Variants in CTNND2 observed in about 807,000 individuals in gnomAD.
CTNND2 encodes catenin delta 2.
A neutral mutation model predicts 144.4 loss-of-function variants in CTNND2; 22 were observed. The observed-to-expected ratio is 0.15, with a 90% CI of 0.11 to 0.22. The LOEUF (loss-of-function observed/expected upper bound fraction) is 0.22. Among genes scored for constraint, CTNND2 ranks in the 10% least tolerant of loss-of-function variants. The pLI is 1.00. For missense variants in CTNND2, 1,353 were observed against 1,618.8 expected (o/e 0.84, Z 2.82); for synonymous variants, 751 against 695.6 (o/e 1.08, Z -1.25).
At chr5:11,706,399 G>A (rs934438334) in intron 2 of CTNND2, among the ~76,000 whole-genome samples, 3 of 152,182 alleles carry the variant, frequency 2.0e-5, no homozygotes, top group Non-Finnish European at 4.4e-5. Flanking sequence ...CTCAACACCA[G>A]TGCTTTCCAA....
intron 14 of CTNND2, among the ~76,000 whole-genome samples, chr5:11,104,889 G>T: frequency 6.6e-6 from 1 of 152,218 alleles, no homozygotes; most frequent in East Asian, 1.9e-4. Flanking sequence ...TCTGAACAAA[G>T]CGTTAGGGCA....
chr5:11,549,287 C>T (rs966100983), intron 3 of CTNND2, among the ~76,000 whole-genome samples: 5 of 152,136 alleles, frequency 3.3e-5, no homozygotes, highest in Non-Finnish European at 7.3e-5. Flanking sequence ...ACATTATATA[C>T]GGTGTCTGCA....
intron 2 of CTNND2, among the ~76,000 whole-genome samples, chr5:11,700,850 G>A (rs992692558): frequency 1.2e-4 from 18 of 152,216 alleles, no homozygotes; most frequent in Non-Finnish European, 7.3e-5. Context: ...TGAAAAGCAT[G>A]TGATCTACTT....
chr5:11,236,843 C>CG lies in CTNND2; in HGVS notation c.1629-21dup. On this transcript the variant is annotated intron_variant, in intron 9 of 21. Transcript: ENST00000304623. The stretch of plus-strand genomic sequence containing the variant: ...AATTCTCTGAACAAAAGGAAAGAAG[C>CG]GGGGAGAATATGAGAGAGAAATCCT... 6.2e-7 allele frequency: 1 copy of CG among 1,613,614 alleles called. No individual in the cohort carries two copies. Among genetic ancestry groups the CG allele is most frequent in the Non-Finnish European group, 8.5e-7 (1 of 1,179,736 alleles).
chr5:11,168,849 T>C (rs767032375), intron 11 of CTNND2, among the ~76,000 whole-genome samples: 14 of 151,302 alleles, frequency 9.3e-5, no homozygotes, highest in Middle Eastern at 6.8e-3. Context: ...GAGAGAGAGA[T>C]TTAAAGACAA....
chr5:11,299,724 G>A (rs1297786041), intron 9 of CTNND2, among the ~76,000 whole-genome samples: 2 of 152,166 alleles, frequency 1.3e-5, no homozygotes, highest in Non-Finnish European at 2.9e-5. Context: ...TGTGTTCCCA[G>A]GCTAAGGATG....
At chr5:10,979,859 A>G (rs546298684) in intron 21 of CTNND2, among the ~76,000 whole-genome samples, 82 of 152,334 alleles carry the variant, frequency 5.4e-4, no homozygotes, top group African/African-American at 1.7e-3. Flanking sequence ...ATATGCAGAA[A>G]ACTGAAACTG....
intron 1 of CTNND2, among the ~76,000 whole-genome samples, chr5:11,871,513 C>G (rs961422428): frequency 1.3e-5 from 2 of 152,100 alleles, no homozygotes; most frequent in Non-Finnish European, 2.9e-5. Context: ...ATATTAGAGG[C>G]AGCCTATCTG....
chr5:11,258,542 A>C (rs1425917132), intron 9 of CTNND2, among the ~76,000 whole-genome samples: 1 of 152,216 alleles, frequency 6.6e-6, no homozygotes, highest in Admixed American at 6.5e-5. Context: ...TCATCACTTC[A>C]TCCTTATTAG....
At chr5:11,414,652 T>C (rs1051444687) in intron 3 of CTNND2, among the ~76,000 whole-genome samples, 2 of 152,172 alleles carry the variant, frequency 1.3e-5, no homozygotes, top group African/African-American at 4.8e-5. Context: ...GTTACACAGG[T>C]AAACTCATGT....
intron 12 of CTNND2, among the ~76,000 whole-genome samples, chr5:11,140,165 G>C (rs947256293): frequency 2.0e-5 from 3 of 152,136 alleles, no homozygotes; most frequent in African/African-American, 7.2e-5. Flanking sequence ...GGACATCATT[G>C]GGGGTCTGGC....
intron 1 of CTNND2, among the ~76,000 whole-genome samples, chr5:11,869,721 A>C (rs1269187434): frequency 6.6e-6 from 1 of 152,254 alleles, no homozygotes; most frequent in East Asian, 1.9e-4. Flanking sequence ...CTAAGGTGGT[A>C]AATTTTATGT....
At chr5:11,737,372 G>A (rs1787744562) in intron 1 of CTNND2, among the ~76,000 whole-genome samples, 1 of 152,182 alleles carries the variant, frequency 6.6e-6, no homozygotes, top group Non-Finnish European at 1.5e-5. Flanking sequence ...CCCTTGAAGT[G>A]GTTACCATGT....
Position 11,346,747 on chromosome 5 carries a change from T to TA in CTNND2, c.1373-121dup, listed in dbSNP as rs553051438. On this transcript the variant is annotated intron_variant, in intron 8 of 21. Transcript: ENST00000304623. ...ATAAAAAATAGGGGGTTCAAAAGAA[T>TA]AAAAAAAATTAATCCATCATATTTG... The TA allele has an allele frequency of 1.6e-4, 143 of 887,650 alleles. 1 individual carries two copies. In the East Asian group the frequency reaches 3.4e-3, roughly 21 times the overall value. 55.0% of individuals were successfully genotyped at this position (887,650 alleles called of 1,614,324 possible).
chr5:11,249,264 C>T (rs1259023595), intron 9 of CTNND2, among the ~76,000 whole-genome samples: 2 of 152,182 alleles, frequency 1.3e-5, no homozygotes, highest in Non-Finnish European at 2.9e-5. Flanking sequence ...GCCATCCAAC[C>T]GAGGGCATCA....
chr5:11,787,246 G>A (rs549455039), intron 1 of CTNND2, among the ~76,000 whole-genome samples: 17 of 152,224 alleles, frequency 1.1e-4, no homozygotes, highest in African/African-American at 4.1e-4. Flanking sequence ...AAACTGTTAC[G>A]CATGTGCACA....
At chr5:11,738,127 C>T (rs1056781421) in intron 1 of CTNND2, among the ~76,000 whole-genome samples, 1 of 152,148 alleles carries the variant, frequency 6.6e-6, no homozygotes, top group African/African-American at 2.4e-5. Flanking sequence ...TCATCTAAAA[C>T]GAATCACAGG....
At chr5:11,665,696 A>C (rs1387573972) in intron 2 of CTNND2, among the ~76,000 whole-genome samples, 1 of 152,138 alleles carries the variant, frequency 6.6e-6, no homozygotes, top group African/African-American at 2.4e-5. Context: ...TCTCTATCTT[A>C]ATATTGATGT....
At chr5:11,072,651 ACTGG>A (rs1339434007) in intron 16 of CTNND2, among the ~76,000 whole-genome samples, 2 of 152,190 alleles carry the variant, frequency 1.3e-5, no homozygotes, top group African/African-American at 4.8e-5. Context: ...TGTCCCTTTG[ACTGG>A]AGTCTGGCAG....
Sources: gnomAD v4.1 joint callset for allele counts (sites outside exome capture counted in the v4.1 genomes callset) on GRCh38, gnomAD v4.1.1 for gene constraint, MANE v1.5 for transcripts, NCBI Gene and HGNC (gene_info 2026-07-23, HGNC 2026-07-21) for gene names.